The following SCMH1 variants were observed in gnomAD, a reference collection of about 807,000 sequenced individuals.
SCMH1 encodes the protein Scm polycomb group protein homolog 1, also known as polycomb protein SCMH1.
A neutral mutation model predicts 70.8 loss-of-function variants in SCMH1; 37 were observed. That is an observed-to-expected ratio of 0.52 (90% CI 0.40 to 0.69). The LOEUF (loss-of-function observed/expected upper bound fraction) is 0.69. SCMH1 is among the 30% of genes least tolerant of loss of function. The pLI, the probability that SCMH1 is intolerant of heterozygous loss-of-function variation, is 0.00. For missense variants in SCMH1, 607 were observed against 827.3 expected, an observed-to-expected ratio of 0.73 and a Z score of 3.27; for synonymous variants, 292 against 307.4, an observed-to-expected ratio of 0.95 and a Z score of 0.52.
intron 2 of SCMH1, among the ~76,000 whole-genome samples, chr1:41,181,391 T>C (rs894416431): frequency 6.6e-6 from 1 of 152,064 alleles, no homozygotes; most frequent in African/African-American, 2.4e-5. Context: ...CAAAAGAAAC[T>C]ACCATCAGAG....
chr1:41,095,526 G>A (rs1322561770), intron 8 of SCMH1, among the ~76,000 whole-genome samples: 3 of 152,180 alleles, frequency 2.0e-5, no homozygotes, highest in African/African-American at 7.2e-5. Context: ...AGTTATGAAT[G>A]TTGTAACTGG....
intron 8 of SCMH1, among the ~76,000 whole-genome samples, chr1:41,108,535 A>G: frequency 6.6e-6 from 1 of 152,246 alleles, no homozygotes; most frequent in East Asian, 1.9e-4. Context: ...AAAATAAGCT[A>G]AAAGTAAAAA....
rs1404171661 is a variant in SCMH1 at position 41,113,655 on chromosome 1, T to C, written c.502-129A>G. On this transcript the variant is annotated intron_variant, in intron 7 of 14. Transcript: ENST00000337495. The surrounding 1 kb of genome is among the most constrained non-coding windows in gnomAD (Gnocchi z 4.3). ...ACTTATAATGGATATATAGCCTTTC[T>C]TTTAAATTAATTTTAAATTCAATAT... 2 of 815,718 alleles carry C rather than the reference T, an allele frequency of 2.5e-6. No individual in the cohort carries two copies. Among genetic ancestry groups the C allele is most frequent in the Non-Finnish European group, 3.4e-6 (2 of 592,314 alleles). The allele number at this position is 815,718 out of a possible 1,614,324, so 50.5% of individuals were successfully genotyped here.
chr1:41,191,043 T>A (rs1651596195), intron 1 of SCMH1, among the ~76,000 whole-genome samples: 1 of 152,198 alleles, frequency 6.6e-6, no homozygotes, highest in Non-Finnish European at 1.5e-5. Flanking sequence ...CCTGGCTAAC[T>A]TTTTTATTTT....
chr1:41,239,972 C>A (rs577035540), intron 1 of SCMH1, among the ~76,000 whole-genome samples: 1 of 152,242 alleles, frequency 6.6e-6, no homozygotes, highest in South Asian at 2.1e-4. Flanking sequence ...CACATCAATT[C>A]TTTCTCATAG....
intron 13 of SCMH1, among the ~76,000 whole-genome samples, chr1:41,029,463 G>A (rs1302272283): frequency 6.6e-6 from 1 of 152,212 alleles, no homozygotes; most frequent in Non-Finnish European, 1.5e-5. Context: ...GCCTCCCAAA[G>A]TGCTGGGATT....
chr1:41,165,042 A>G (rs1240650706), intron 2 of SCMH1, among the ~76,000 whole-genome samples: 5 of 151,738 alleles, frequency 3.3e-5, no homozygotes, highest in African/African-American at 9.7e-5. Context: ...CCTTTTTTCT[A>G]TACTCACCCC....
At chr1:41,210,369 G>C (rs1361468563) in intron 1 of SCMH1, among the ~76,000 whole-genome samples, 1 of 152,026 alleles carries the variant, frequency 6.6e-6, no homozygotes, top group African/African-American at 2.4e-5. Context: ...TTTAAAGTTC[G>C]TATGGAACCA....
At chr1:41,182,081 C>T (rs1050428455) in intron 2 of SCMH1, among the ~76,000 whole-genome samples, 2 of 152,098 alleles carry the variant, frequency 1.3e-5, no homozygotes, top group Non-Finnish European at 2.9e-5. Context: ...CCATCATCCT[C>T]AACAAACTAT....
chr1:41,237,681 C>T (rs888157071), intron 1 of SCMH1, among the ~76,000 whole-genome samples: 1 of 152,188 alleles, frequency 6.6e-6, no homozygotes, highest in African/African-American at 2.4e-5. Flanking sequence ...TATGCTTTCC[C>T]TATTTTATAT....
intron 6 of SCMH1, among the ~76,000 whole-genome samples, chr1:41,128,022 A>G (rs1465497322): frequency 1.3e-5 from 2 of 152,194 alleles, no homozygotes; most frequent in African/African-American, 4.8e-5. Context: ...CCTTTATCAT[A>G]TAGCAAATTT....
At chr1:41,035,732 C>T (rs184407151) in intron 13 of SCMH1, among the ~76,000 whole-genome samples, 1 of 152,284 alleles carries the variant, frequency 6.6e-6, no homozygotes, top group Non-Finnish European at 1.5e-5. Flanking sequence ...TGCTGACATA[C>T]GTGCTTGAAG....
At chr1:41,185,583 A>G (rs1649958597) in intron 2 of SCMH1, among the ~76,000 whole-genome samples, 3 of 152,138 alleles carry the variant, frequency 2.0e-5, no homozygotes, top group Admixed American at 1.3e-4. Context: ...AAATTCATTA[A>G]ATAATAGTTT....
chr1:41,098,194 A>G (rs1387652586), intron 8 of SCMH1, among the ~76,000 whole-genome samples: 3 of 152,212 alleles, frequency 2.0e-5, no homozygotes, highest in African/African-American at 7.2e-5. Flanking sequence ...CTATTTCACA[A>G]GCACCTGCTT....
At chr1:41,240,478 A>G (rs1039289547) in intron 1 of SCMH1, among the ~76,000 whole-genome samples, 2 of 152,186 alleles carry the variant, frequency 1.3e-5, no homozygotes, top group Non-Finnish European at 2.9e-5. Context: ...AAAGAGTTCA[A>G]TGTAATAAAG....
At chr1:41,182,282 T>C (rs1250101317) in intron 2 of SCMH1, among the ~76,000 whole-genome samples, 1 of 152,178 alleles carries the variant, frequency 6.6e-6, no homozygotes, top group Non-Finnish European at 1.5e-5. Flanking sequence ...CACACCAACA[T>C]GGCACATGTA....
At chr1:41,185,987 G>A (rs2148636907) in intron 2 of SCMH1, 134 bp downstream of exon 2, 1 of 889,212 alleles carries the variant, frequency 1.1e-6, no homozygotes, top group Admixed American at 3.1e-5. Flanking sequence ...TCATGCCAAT[G>A]ACAAAAATGA....
chr1:41,029,127 C>T (rs956184772), intron 13 of SCMH1, among the ~76,000 whole-genome samples: 2 of 151,992 alleles, frequency 1.3e-5, no homozygotes, highest in Non-Finnish European at 2.9e-5. Flanking sequence ...ATCCTTGGCA[C>T]GTGGGCAAAA....
intron 1 of SCMH1, among the ~76,000 whole-genome samples, chr1:41,193,413 G>C (rs1652205728): frequency 6.6e-6 from 1 of 152,094 alleles, no homozygotes; most frequent in African/African-American, 2.4e-5. Flanking sequence ...CAGATTAGTA[G>C]GAAAGATAGC....
Sources: gnomAD v4.1 joint callset for allele counts (sites outside exome capture counted in the v4.1 genomes callset) on GRCh38, gnomAD v4.1.1 for gene constraint, Gnocchi (gnomAD v3.1) non-coding constraint, MANE v1.5 for transcripts, NCBI Gene and HGNC (gene_info 2026-07-23, HGNC 2026-07-21) for gene names.